The following COG6 variants were observed in gnomAD, a reference collection of about 807,000 sequenced individuals.
The protein encoded by COG6 is component of oligomeric golgi complex 6, also known as conserved oligomeric Golgi complex subunit 6.
COG6 carries 74 observed loss-of-function variants against 88.8 expected under a neutral mutation model. The ratio of observed to expected loss-of-function variants is 0.83; its 90% CI spans 0.69 to 1.01. The LOEUF (loss-of-function observed/expected upper bound fraction) is 1.01. Among genes scored for constraint, COG6 ranks in the 50% least tolerant of loss-of-function variants. The probability of loss-of-function intolerance (pLI) is 0.00; values close to 1 mark genes in which losing one functional copy is unlikely to be tolerated. For missense variants in COG6, 800 were observed against 797.9 expected (o/e 1.00, Z -0.03); for synonymous variants, 286 against 278.7 (o/e 1.03, Z -0.26).
intron 13 of COG6, 39 bp from the exon 14 acceptor site, chr13:39,719,197 A>T (rs1432233439): frequency 6.2e-7 from 1 of 1,605,084 alleles, no homozygotes; most frequent in South Asian, 1.1e-5. Flanking sequence ...AATTTAGTGG[A>T]AAAAATATAA....
At chr13:39,755,666 T>G (rs1161314828), downstream of COG6, among the ~76,000 whole-genome samples, 1 of 151,638 alleles carries the variant, frequency 6.6e-6, no homozygotes, top group Non-Finnish European at 1.5e-5. Flanking sequence ...CCGTAATCTC[T>G]CACCTCTGCC....
At chr13:39,727,729 T>C (rs1408539449) in intron 18 of COG6, among the ~76,000 whole-genome samples, 181 bp downstream of exon 18, 2 of 152,180 alleles carry the variant, frequency 1.3e-5, no homozygotes, top group African/African-American at 4.8e-5. Flanking sequence ...TCTGTACTTA[T>C]TCCATGTCTA....
At chr13:39,717,867 CA>C (rs913295675) in intron 13 of COG6, among the ~76,000 whole-genome samples, 1 of 152,024 alleles carries the variant, frequency 6.6e-6, no homozygotes, top group Admixed American at 6.6e-5. Flanking sequence ...AAACAAAAAA[CA>C]AAAACAAAAA....
intron 4 of COG6, among the ~76,000 whole-genome samples, chr13:39,673,280 TA>T (rs1875760552): frequency 6.6e-6 from 1 of 151,978 alleles, no homozygotes; most frequent in African/African-American, 2.4e-5. Flanking sequence ...TTTTTCAATG[TA>T]TTTTTGTATT....
chr13:39,753,951 C>T (rs190237246), downstream of COG6, among the ~76,000 whole-genome samples: 186 of 152,204 alleles, frequency 1.2e-3, no homozygotes, highest in Non-Finnish European at 2.1e-3. Flanking sequence ...ACTACTACAC[C>T]GAAACTAACC....
At chr13:39,671,006 CAG>C (rs1274681850) in intron 4 of COG6, among the ~76,000 whole-genome samples, 5 of 151,882 alleles carry the variant, frequency 3.3e-5, no homozygotes, top group South Asian at 2.1e-4. Flanking sequence ...TAGGGGAAAA[CAG>C]GGGAGCATCA....
At chr13:39,661,859 G>C (rs562897230) in intron 3 of COG6, among the ~76,000 whole-genome samples, 2 of 150,768 alleles carry the variant, frequency 1.3e-5, no homozygotes, top group African/African-American at 4.9e-5. Context: ...CTTCCATGAC[G>C]TAATGCCTTT....
In COG6 at chr13:39,750,998, G is replaced by A. The variant is rs1285897594; in HGVS notation, c.1879G>A (p.Val627Met). ...TELVCRAYGE[V>M]YAAVMNPINE... ...ATTAGTCTGCAGAGCCTATGGTGAA[G>A]TGTATGCAGCCGTGATGAATCCAAT... The change falls in exon 19 of 19, where the codon GTG (valine) becomes ATG (methionine). Residue 627 changes from valine to methionine, a missense_variant. Val to Met is a conservative substitution (Grantham distance 21). Transcript: ENST00000455146. 3 of 1,613,712 alleles carry A rather than the reference G, an allele frequency of 1.9e-6. No homozygotes were observed. The highest frequency in any genetic ancestry group is 1.7e-4 in the Middle Eastern group (1 of 6,060).
intron 11 of COG6, 56 bp from the exon 12 acceptor site, chr13:39,694,578 T>C: frequency 9.3e-7 from 1 of 1,077,596 alleles, no homozygotes; most frequent in Non-Finnish European, 1.4e-6. Context: ...ATGTTATTAA[T>C]GAAAAAAAGT....
At chr13:39,722,177 C>T (rs78446708) in intron 15 of COG6, among the ~76,000 whole-genome samples, 10,081 of 151,894 alleles carry the variant, frequency 0.066, 391 homozygotes, top group Non-Finnish European at 0.094. Flanking sequence ...TTCTTTCAGA[C>T]CGCTGATTTG....
intron 18 of COG6, among the ~76,000 whole-genome samples, chr13:39,747,152 A>G (rs1327657592): frequency 6.6e-6 from 1 of 152,198 alleles, no homozygotes; most frequent in African/African-American, 2.4e-5. Flanking sequence ...TTCTAACAGT[A>G]ATTTACTCGT....
At chr13:39,718,521 A>G (rs1361439054) in intron 13 of COG6, among the ~76,000 whole-genome samples, 3 of 152,140 alleles carry the variant, frequency 2.0e-5, no homozygotes, top group Non-Finnish European at 4.4e-5. Flanking sequence ...TCTACTTAGT[A>G]AGTGCAAGGC....
At chr13:39,733,875 C>T (rs948164655) in intron 18 of COG6, among the ~76,000 whole-genome samples, 7 of 152,162 alleles carry the variant, frequency 4.6e-5, no homozygotes, top group Admixed American at 6.5e-5. Context: ...TGGCAGATTG[C>T]ATGTGTCTAG....
At chr13:39,778,268 G>C (rs905332998) in intron 18 of COG6, among the ~76,000 whole-genome samples, 2 of 152,152 alleles carry the variant, frequency 1.3e-5, no homozygotes, top group Non-Finnish European at 2.9e-5. Context: ...ATTGTAACAG[G>C]CTTCTCTGAA....
At chr13:39,658,278 G>A (rs1242345269) in intron 1 of COG6, among the ~76,000 whole-genome samples, 1 of 151,684 alleles carries the variant, frequency 6.6e-6, no homozygotes, top group Non-Finnish European at 1.5e-5. Flanking sequence ...CAGGTAGCTG[G>A]GTCTACAGGC....
chr13:39,767,808 C>T (rs555851873), intron 18 of COG6, among the ~76,000 whole-genome samples: 1 of 152,186 alleles, frequency 6.6e-6, no homozygotes, highest in Admixed American at 6.5e-5. Flanking sequence ...CATGAAAAGT[C>T]CCAATTTTAC....
At position 39,761,581 on chromosome 13, in the gene COG6, A is replaced by G. The variant is rs368952049; in HGVS notation, c.1827-26754A>G. ...TTCAGCACAGTAAAAGAAATAATCA[A>G]TAGAGTGAAGAGACAACCTTCAGAA... On this transcript the variant is annotated intron_variant, in intron 18 of 18. Transcript: ENST00000416691. Among the ~76,000 whole-genome samples, 27 of 152,056 alleles carry G rather than the reference A, an allele frequency of 1.8e-4. No individual in the cohort carries two copies. In the South Asian group the frequency reaches 5.4e-3, roughly 30 times the overall value.
intron 3 of COG6, among the ~76,000 whole-genome samples, chr13:39,661,390 C>T (rs1427399652): frequency 6.6e-6 from 1 of 152,160 alleles, no homozygotes; most frequent in Non-Finnish European, 1.5e-5. Context: ...TGGAATAGTA[C>T]ATAGAACGGT....
At chr13:39,680,298 G>A (rs891504764) in intron 7 of COG6, among the ~76,000 whole-genome samples, 1 of 152,162 alleles carries the variant, frequency 6.6e-6, no homozygotes, top group African/African-American at 2.4e-5. Context: ...TGTATCATGA[G>A]CACCAGCTAT....
Sources: allele counts gnomAD v4.1 joint callset (sites outside exome capture counted in the v4.1 genomes callset), GRCh38; gene constraint gnomAD v4.1.1; transcripts MANE v1.5; gene names NCBI Gene and HGNC (gene_info 2026-07-23, HGNC 2026-07-21).